ZSCAN25: variants seen among roughly 807,000 people sequenced by gnomAD.
The protein encoded by ZSCAN25 is zinc finger and SCAN domain containing 25, also known as zinc finger and SCAN domain-containing protein 25.
Under a neutral mutation model 38.7 loss-of-function variants are expected in ZSCAN25, and 27 were observed. That is an observed-to-expected ratio of 0.70 (90% confidence interval 0.51 to 0.96). The LOEUF (loss-of-function observed/expected upper bound fraction) is 0.96, where lower values mean the gene tolerates loss of function less well. ZSCAN25 is among the 40% of genes least tolerant of loss of function. ZSCAN25 has a pLI of 0.00. For missense variants in ZSCAN25, 637 were observed against 705.9 expected, an observed-to-expected ratio of 0.90 and a Z score of 1.11; for synonymous variants, 273 against 277.7, an observed-to-expected ratio of 0.98 and a Z score of 0.17.
the ZSCAN25 span, among the ~76,000 whole-genome samples, chr7:99,637,828 T>A: frequency 6.6e-6 from 1 of 152,076 alleles, no homozygotes; most frequent in East Asian, 1.9e-4. Context: ...CAACATAGTC[T>A]GCATGAATGC....
chr7:99,621,043 T>C, intron 4 of ZSCAN25: 1 of 185,332 alleles, frequency 5.4e-6, no homozygotes, highest in Non-Finnish European at 1.1e-5. Flanking sequence ...TATTTTCAGC[T>C]TTTTCAATTA....
the ZSCAN25 span, among the ~76,000 whole-genome samples, chr7:99,672,149 T>G: frequency 6.6e-6 from 1 of 152,138 alleles, no homozygotes; most frequent in African/African-American, 2.4e-5. Context: ...CCTCCCAGGT[T>G]CAAGCGATTC....
chr7:99,644,282 G>A, the ZSCAN25 span, among the ~76,000 whole-genome samples: 3 of 152,106 alleles, frequency 2.0e-5, no homozygotes, highest in East Asian at 5.8e-4. Flanking sequence ...GTAGCATTTG[G>A]GGTGCACTTG....
the ZSCAN25 span, chr7:99,720,279 A>G: frequency 4.3e-6 from 7 of 1,609,840 alleles, no homozygotes; most frequent in Admixed American, 1.7e-5. Flanking sequence ...TAATCAATCA[A>G]TGAGTATTTT....
intron 7 of ZSCAN25, among the ~76,000 whole-genome samples, chr7:99,625,408 C>T (rs1807385544): frequency 6.6e-6 from 1 of 152,120 alleles, no homozygotes; most frequent in South Asian, 2.1e-4. Context: ...AAAATAAAGG[C>T]GCTTGCCTGT....
At chr7:99,652,993 T>C in the ZSCAN25 span, among the ~76,000 whole-genome samples, 11 of 152,314 alleles carry the variant, frequency 7.2e-5, no homozygotes, top group South Asian at 6.2e-4. Context: ...GTAGGAGATA[T>C]TCAAGACCAT....
Position 99,630,254 on chromosome 7 carries a change from T to G in ZSCAN25, c.*234T>G. 7.5e-7 allele frequency: 1 copy of G among 1,327,854 alleles called. No homozygotes were observed. Among genetic ancestry groups the G allele is most frequent in the Non-Finnish European group, 9.6e-7 (1 of 1,042,882 alleles). The allele number at this position is 1,327,854 out of a possible 1,614,324, so 82.3% of individuals were successfully genotyped here. ...CCAATGTTTGAGGGAAGCAGTCTCC[T>G]GCGGTTCAGTTCAGGCTGAGATTTT... is the stretch of plus-strand genomic sequence containing the variant. On this transcript the variant is annotated 3_prime_UTR_variant, in exon 8 of 8. Coordinates refer to ENST00000394152, the MANE Select transcript of ZSCAN25 (RefSeq NM_145115.3).
chr7:99,648,471 G>C, the ZSCAN25 span: 9 of 814,300 alleles, frequency 1.1e-5, no homozygotes, highest in East Asian at 4.3e-5. Flanking sequence ...AAGCAAAGTA[G>C]AAAAAATATG....
the ZSCAN25 span, among the ~76,000 whole-genome samples, chr7:99,655,120 T>A: frequency 6.6e-6 from 1 of 152,256 alleles, no homozygotes; most frequent in Non-Finnish European, 1.5e-5. Context: ...TTGTTGCCAT[T>A]GCTTTTGGTG....
chr7:99,699,903 G>C, the ZSCAN25 span: 4 of 1,076,574 alleles, frequency 3.7e-6, no homozygotes, highest in Non-Finnish European at 5.8e-6. Context: ...GAGGGAACAG[G>C]GGCCTGAGTA....
chr7:99,641,300 G>C, the ZSCAN25 span, among the ~76,000 whole-genome samples: 1 of 152,100 alleles, frequency 6.6e-6, no homozygotes, highest in Non-Finnish European at 1.5e-5. Flanking sequence ...CTGAACAAAG[G>C]GGGATAAGCC....
At chr7:99,632,426 C>CCTTCCTCCCCGT (rs1808075426), downstream of ZSCAN25, 2 of 296,228 alleles carry the variant, frequency 6.8e-6, no homozygotes, top group East Asian at 1.7e-4. Flanking sequence ...TCTGTCCACT[C>CCTTCCTCCCCGT]CTTCCTCCCC....
chr7:99,629,071 T>TAGA lies in ZSCAN25; in HGVS notation c.806-120_806-119insAGA. ...GAAGTAAGGAAAGCCTGAGTTGAGG[T>TAGA]TGTTGGTCAAAGGAAAAAAGAGAAG... On this transcript the variant is annotated intron_variant, in intron 7 of 7. Coordinates refer to ENST00000394152, the MANE Select transcript of ZSCAN25 (RefSeq NM_145115.3). This position sits in a 1 kb window ranked among gnomAD's most constrained non-coding sequence, Gnocchi z 5.6. 7.4e-7 allele frequency: 1 copy of TAGA among 1,360,102 alleles called. No homozygotes were observed. Among genetic ancestry groups the TAGA allele is most frequent in the South Asian group, 1.6e-5 (1 of 63,732 alleles). The allele number at this position is 1,360,102 out of a possible 1,614,324, so 84.3% of individuals were successfully genotyped here.
the ZSCAN25 span, chr7:99,663,524 C>CTACA: frequency 1.0e-6 from 1 of 993,060 alleles, no homozygotes. Flanking sequence ...TTACCACACA[C>CTACA]TACATGTCAG....
the ZSCAN25 span, among the ~76,000 whole-genome samples, chr7:99,723,085 A>G: frequency 6.6e-6 from 1 of 152,204 alleles, no homozygotes; most frequent in Admixed American, 6.5e-5. Context: ...ATGGAAAAGA[A>G]GGTCCGAGGA....
At chr7:99,644,784 T>C in the ZSCAN25 span, among the ~76,000 whole-genome samples, 11 of 152,202 alleles carry the variant, frequency 7.2e-5, no homozygotes, top group Non-Finnish European at 1.2e-4. Context: ...GTCTCCTTTC[T>C]TTCCTTTCCA....
chr7:99,708,987 T>A, the ZSCAN25 span: 1 of 1,598,654 alleles, frequency 6.3e-7, no homozygotes, highest in South Asian at 1.1e-5. Flanking sequence ...CAGAATATGC[T>A]TGAACCAGGC....
At chr7:99,736,559 C>G in the ZSCAN25 span, among the ~76,000 whole-genome samples, 3 of 152,130 alleles carry the variant, frequency 2.0e-5, no homozygotes. Context: ...CACTCACACC[C>G]AAGTTCTGTG....
the ZSCAN25 span, among the ~76,000 whole-genome samples, chr7:99,686,091 C>T: frequency 1.1e-4 from 16 of 152,276 alleles, no homozygotes; most frequent in East Asian, 1.4e-3. Context: ...ACACAGAAGA[C>T]GGGTGATTTC....
Sources: allele counts gnomAD v4.1 joint callset (sites outside exome capture counted in the v4.1 genomes callset), GRCh38; gene constraint gnomAD v4.1.1; non-coding constraint Gnocchi (gnomAD v3.1); transcripts MANE v1.5; gene names NCBI Gene and HGNC (gene_info 2026-07-23, HGNC 2026-07-21).